ACKR5: variants seen among roughly 807,000 people sequenced by gnomAD.
ACKR5 encodes atypical chemokine receptor 5.
the ACKR5 span, chr12:56,996,309 A>T: frequency 6.2e-7 from 1 of 1,614,154 alleles, no homozygotes; most frequent in African/African-American, 1.3e-5. Context: ...ACCAAGGGTG[A>T]TAGCCAGCCT....
At chr12:56,998,162 C>T in the ACKR5 span, 1 of 152,204 alleles carries the variant, frequency 6.6e-6, no homozygotes, top group African/African-American at 2.4e-5. Flanking sequence ...CTGAAGGAAA[C>T]CAAATTTTAC....
chr12:56,996,080 C>T, the ACKR5 span: 1 of 1,613,220 alleles, frequency 6.2e-7, no homozygotes, highest in Non-Finnish European at 8.5e-7. Flanking sequence ...CATCTCCCTC[C>T]ACTGCCACCT....
At chr12:56,997,503 T>A in the ACKR5 span, 1 of 152,230 alleles carries the variant, frequency 6.6e-6, no homozygotes, top group African/African-American at 2.4e-5. Context: ...TTAGGTTCCT[T>A]AACACTTGTT....
chr12:56,995,651 A>G, the ACKR5 span: 3 of 1,613,930 alleles, frequency 1.9e-6, no homozygotes, highest in South Asian at 2.2e-5. The surrounding 1 kb of genome is among the most constrained non-coding windows in gnomAD (Gnocchi z 4.7). Flanking sequence ...GGTGTGCCTC[A>G]GTGTCGACCG....
At chr12:56,995,217 T>C in the ACKR5 span, 18 of 1,612,502 alleles carry the variant, frequency 1.1e-5, no homozygotes, top group Non-Finnish European at 1.5e-5. This position sits in a 1 kb window ranked among gnomAD's most constrained non-coding sequence, Gnocchi z 4.7. Flanking sequence ...CCAATGTCAG[T>C]GAAACCCAGC....
chr12:56,996,816 C>T, the ACKR5 span: 1 of 181,150 alleles, frequency 5.5e-6, no homozygotes, highest in Non-Finnish European at 1.2e-5. Context: ...GTGAACTCTG[C>T]AGGAACCTCA....
the ACKR5 span, chr12:56,998,802 A>T: frequency 6.5e-6 from 1 of 152,774 alleles, no homozygotes; most frequent in East Asian, 1.9e-4. Context: ...TCCAGGTATG[A>T]GCATATTCAT....
the ACKR5 span, chr12:56,995,129 C>T: frequency 7.4e-7 from 1 of 1,347,536 alleles, no homozygotes; most frequent in East Asian, 2.3e-5. This position sits in a 1 kb window ranked among gnomAD's most constrained non-coding sequence, Gnocchi z 4.7. Context: ...CCTCTGGCCT[C>T]TACCTTGAGG....
the ACKR5 span, chr12:56,995,428 GGTGATATGC>G: frequency 6.2e-7 from 1 of 1,614,192 alleles, no homozygotes; most frequent in East Asian, 2.2e-5. This position sits in a 1 kb window ranked among gnomAD's most constrained non-coding sequence, Gnocchi z 4.7. Context: ...AGAACCTCCT[GGTGATATGC>G]GTCAACTGGC....
the ACKR5 span, chr12:56,996,119 G>A: frequency 4.3e-6 from 7 of 1,613,872 alleles, no homozygotes; most frequent in Non-Finnish European, 5.9e-6. Flanking sequence ...CTTCTATGAT[G>A]TCATTGACTG....
chr12:56,995,045 T>C, the ACKR5 span: 1 of 648,286 alleles, frequency 1.5e-6, no homozygotes, highest in Admixed American at 2.7e-5. This position sits in a 1 kb window ranked among gnomAD's most constrained non-coding sequence, Gnocchi z 4.7. Context: ...TTGTGTATTA[T>C]TTATTCACAG....
chr12:56,995,923 T>C, the ACKR5 span: 7 of 1,613,172 alleles, frequency 4.3e-6, no homozygotes, highest in Admixed American at 1.7e-5. This position sits in a 1 kb window ranked among gnomAD's most constrained non-coding sequence, Gnocchi z 4.7. Flanking sequence ...CAGTCTTCAA[T>C]GTGCTGACAG....
the ACKR5 span, chr12:56,998,086 C>CA: frequency 6.6e-6 from 1 of 152,214 alleles, no homozygotes; most frequent in Non-Finnish European, 1.5e-5. Flanking sequence ...TGTCCCAACA[C>CA]AAAAAAGCAA....
chr12:56,995,837 ACGTACAG>A, the ACKR5 span: 1 of 1,613,732 alleles, frequency 6.2e-7, no homozygotes, highest in South Asian at 1.1e-5. The surrounding 1 kb of genome is among the most constrained non-coding windows in gnomAD (Gnocchi z 4.7). Flanking sequence ...ACCTTTTGAA[ACGTACAG>A]CACCTGGGCC....
chr12:56,995,546 G>T, the ACKR5 span: 2 of 1,614,114 alleles, frequency 1.2e-6, no homozygotes, highest in Non-Finnish European at 1.7e-6. The surrounding 1 kb of genome is among the most constrained non-coding windows in gnomAD (Gnocchi z 4.7). Context: ...GATGCTGGAG[G>T]TCACGCTGGA....
chr12:56,995,939 C>T, the ACKR5 span: 70 of 1,612,440 alleles, frequency 4.3e-5, no homozygotes, highest in South Asian at 2.6e-4. The surrounding 1 kb of genome is among the most constrained non-coding windows in gnomAD (Gnocchi z 4.7). Context: ...GACAGCCTGC[C>T]GGCTGCGGCA....
At chr12:56,995,677 C>A in the ACKR5 span, 1 of 1,613,844 alleles carries the variant, frequency 6.2e-7, no homozygotes, top group African/African-American at 1.3e-5. The surrounding 1 kb of genome is among the most constrained non-coding windows in gnomAD (Gnocchi z 4.7). Flanking sequence ...TCACCCTCAC[C>A]AGCGCCTCCC....
At chr12:56,995,673 T>A in the ACKR5 span, 9 of 1,613,922 alleles carry the variant, frequency 5.6e-6, no homozygotes, top group Non-Finnish European at 8.5e-7. This position sits in a 1 kb window ranked among gnomAD's most constrained non-coding sequence, Gnocchi z 4.7. Flanking sequence ...TATGTCACCC[T>A]CACCAGCGCC....
At chr12:56,995,202 T>TATAG in the ACKR5 span, 20 of 1,609,740 alleles carry the variant, frequency 1.2e-5, no homozygotes, top group Non-Finnish European at 1.4e-5. This position sits in a 1 kb window ranked among gnomAD's most constrained non-coding sequence, Gnocchi z 4.7. Flanking sequence ...AGGCGTGTGC[T>TATAG]GGTCCCAATG....
Sources: allele counts gnomAD v4.1 joint callset, GRCh38; gene constraint gnomAD v4.1.1; non-coding constraint Gnocchi (gnomAD v3.1); transcripts MANE v1.5; gene names NCBI Gene and HGNC (gene_info 2026-07-23, HGNC 2026-07-21).